TRPM1: variants seen among roughly 807,000 people sequenced by gnomAD.
The protein encoded by TRPM1 is transient receptor potential cation channel subfamily M member 1.
Under a neutral mutation model 149.4 loss-of-function variants are expected in TRPM1, and 113 were observed. The ratio of observed to expected loss-of-function variants is 0.76; its 90% CI spans 0.65 to 0.88. The LOEUF (loss-of-function observed/expected upper bound fraction) is 0.88. Among genes scored for constraint, TRPM1 ranks in the 40% least tolerant of loss-of-function variants. The probability of loss-of-function intolerance (pLI) is 0.00; values close to 1 mark genes in which losing one functional copy is unlikely to be tolerated. For synonymous variants in TRPM1, 741 were observed against 759.5 expected, an observed-to-expected ratio of 0.98 and a Z score of 0.40; for missense variants, 1,976 against 2,038.7, an observed-to-expected ratio of 0.97 and a Z score of 0.59.
At chr15:31,012,426 C>G (rs530577453) in intron 27 of TRPM1, among the ~76,000 whole-genome samples, 2 of 152,190 alleles carry the variant, frequency 1.3e-5, no homozygotes, top group Admixed American at 6.5e-5. Context: ...AGCACATTGA[C>G]TATGTCATCC....
intron 21 of TRPM1, among the ~76,000 whole-genome samples, chr15:31,033,197 A>G (rs2033177139): frequency 1.3e-5 from 2 of 152,226 alleles, no homozygotes; most frequent in African/African-American, 4.8e-5. Flanking sequence ...GGCTGTAATT[A>G]AAGCAGCTGC....
At chr15:31,042,292 CAA>C in intron 16 of TRPM1, 49 bp from the exon 17 acceptor site, 1 of 1,542,250 alleles carries the variant, frequency 6.5e-7, no homozygotes, top group Non-Finnish European at 8.7e-7. Flanking sequence ...AAGTATGCAA[CAA>C]AGAGTTCCAG....
intron 2 of TRPM1, among the ~76,000 whole-genome samples, chr15:31,079,071 T>A (rs765298742): frequency 6.6e-6 from 1 of 152,174 alleles, no homozygotes; most frequent in African/African-American, 2.4e-5. Flanking sequence ...AGCACTGAGC[T>A]AAAATTAAAG....
intron 25 of TRPM1, 97 bp from the exon 26 acceptor site, chr15:31,027,214 A>T: frequency 8.7e-7 from 1 of 1,153,420 alleles, no homozygotes; most frequent in Non-Finnish European, 1.3e-6. Context: ...AAAATACTCA[A>T]TGAGATGGCC....
intron 3 of TRPM1, among the ~76,000 whole-genome samples, chr15:31,071,980 CAT>C (rs71471861): frequency 0.023 from 1,797 of 76,592 alleles, 24 homozygotes; most frequent in African/African-American, 0.041. Context: ...AAAAAAAAAA[CAT>C]ATATATATAT....
At chr15:31,061,641 G>T in intron 9 of TRPM1, 127 bp from the exon 10 acceptor site, 1 of 787,064 alleles carries the variant, frequency 1.3e-6, no homozygotes, top group Non-Finnish European at 2.2e-6. Context: ...CAGTTTCAAA[G>T]CAAGTGCTGT....
Position 31,049,557 on chromosome 15 carries a change from CAG to C in TRPM1, c.1438-50_1438-49del, listed in dbSNP as rs780638836. 1.9e-6 allele frequency: 3 copies of C among 1,611,174 alleles called. No individual in the cohort carries two copies. In the South Asian group the frequency reaches 3.3e-5, roughly 18 times the overall value. Reference sequence around the variant, plus strand: ...GCCTGTGAGTGGCCTCTCAGAGACACAGGGGAGGGGGGCGACTGGAAACACAG... The same window carrying C: ...GCCTGTGAGTGGCCTCTCAGAGACACGGGAGGGGGGCGACTGGAAACACAG... On this transcript the variant is annotated intron_variant, in intron 12 of 27. Coordinates refer to ENST00000256552, the MANE Select transcript of TRPM1 (RefSeq NM_001252024.2).
At chr15:31,096,662 C>T (rs557006441) in intron 1 of TRPM1, among the ~76,000 whole-genome samples, 36 of 152,360 alleles carry the variant, frequency 2.4e-4, no homozygotes, top group South Asian at 2.1e-3. Flanking sequence ...AGGAGAGATG[C>T]GCAGAGGCTC....
chr15:31,106,737 CA>C (rs1361678750), intron 1 of TRPM1, among the ~76,000 whole-genome samples: 1 of 152,172 alleles, frequency 6.6e-6, no homozygotes, highest in Non-Finnish European at 1.5e-5. Flanking sequence ...AGCACAGCAA[CA>C]AAAAGTCTTG....
chr15:31,087,259 T>TTTG (rs2035028899), intron 1 of TRPM1, among the ~76,000 whole-genome samples: 1 of 139,314 alleles, frequency 7.2e-6, no homozygotes, highest in Non-Finnish European at 1.5e-5. Context: ...TTTTTTTTTT[T>TTTG]TTTGAGACGG....
At position 31,070,219 on chromosome 15, in the gene TRPM1, A is replaced by T; in HGVS notation, c.91T>A (p.Cys31Ser). Residue 31 changes from cysteine to serine, a missense_variant, in exon 4 of 28, where the codon TGT becomes AGT. Around this residue, in one of 3 missense-constraint regions of TRPM1, gnomAD observed 1,332 missense variants for 1,347.1 expected, o/e 0.99. Transcript: ENST00000256552. ...ATATGCTGGTTGGTGAACTGGCCAC[A>T]GCAACACCTGAAAACAAAGGCAAAG... is the stretch of plus-strand genomic sequence containing the variant. ...PSMKDSNRCCCGQFTNQHIPP... is the reference protein window; with the variant it reads ...PSMKDSNRCCSGQFTNQHIPP... The T allele has an allele frequency of 6.2e-7, 1 of 1,613,604 alleles. No homozygotes were observed. Among genetic ancestry groups the T allele is most frequent in the Non-Finnish European group, 8.5e-7 (1 of 1,179,882 alleles).
At chr15:31,060,978 CT>C (rs2034216194) in intron 10 of TRPM1, among the ~76,000 whole-genome samples, 1 of 150,988 alleles carries the variant, frequency 6.6e-6, no homozygotes, top group African/African-American at 2.5e-5. Flanking sequence ...GACCCTTCCC[CT>C]CTCTCTGTCC....
At chr15:31,065,160 C>T (rs372885289) in intron 7 of TRPM1, 1 of 531,548 alleles carries the variant, frequency 1.9e-6, no homozygotes, top group Non-Finnish European at 3.9e-6. Flanking sequence ...GTTGTAAAAA[C>T]TTACAAGTCC....
At chr15:31,068,744 CAAAAAAAAAA>C (rs60411633) in intron 4 of TRPM1, among the ~76,000 whole-genome samples, 4 of 60,214 alleles carry the variant, frequency 6.6e-5, no homozygotes, top group Admixed American at 6.5e-4. Context: ...AACTCCAACT[CAAAAAAAAAA>C]AAAAAAAAAA....
intron 11 of TRPM1, among the ~76,000 whole-genome samples, chr15:31,058,434 C>T (rs889152568): frequency 6.6e-6 from 1 of 152,230 alleles, no homozygotes; most frequent in Non-Finnish European, 1.5e-5. Context: ...TCCTTGACTT[C>T]AATCCTACTT....
intron 16 of TRPM1, among the ~76,000 whole-genome samples, chr15:31,043,813 T>C (rs1488641951): frequency 6.6e-6 from 1 of 152,154 alleles, no homozygotes; most frequent in Non-Finnish European, 1.5e-5. Context: ...ATTAATTGCA[T>C]GTAAATTCTC....
At chr15:31,128,315 C>T (rs1312190621) in intron 1 of TRPM1, among the ~76,000 whole-genome samples, 1 of 152,196 alleles carries the variant, frequency 6.6e-6, no homozygotes, top group Non-Finnish European at 1.5e-5. Flanking sequence ...CCACCGGCTG[C>T]CGTGGAGCTC....
intron 1 of TRPM1, among the ~76,000 whole-genome samples, chr15:31,090,661 AG>A (rs2035211310): frequency 6.6e-6 from 1 of 151,534 alleles, no homozygotes; most frequent in African/African-American, 2.4e-5. Context: ...AAAAAAAAAA[AG>A]AAACTGCACC....
chr15:31,152,548 T>G (rs1247317540), intron 1 of TRPM1, among the ~76,000 whole-genome samples: 1 of 152,168 alleles, frequency 6.6e-6, no homozygotes, highest in Non-Finnish European at 1.5e-5. Flanking sequence ...AAAAACTAGT[T>G]CAGGCCATGA....
Sources: gnomAD v4.1 joint callset for allele counts (sites outside exome capture counted in the v4.1 genomes callset) on GRCh38, gnomAD v4.1.1 for gene constraint, gnomAD v4.1.1 regional missense constraint, MANE v1.5 for transcripts, NCBI Gene and HGNC (gene_info 2026-07-23, HGNC 2026-07-21) for gene names.